ASAH2: variants seen among roughly 807,000 people sequenced by gnomAD.
ASAH2 encodes neutral ceramidase.
In ASAH2, 58 loss-of-function variants were observed where a neutral mutation model predicts 82.9. The ratio of observed to expected loss-of-function variants is 0.70; its 90% CI spans 0.57 to 0.87. The LOEUF (loss-of-function observed/expected upper bound fraction) is 0.87, where lower values mean the gene tolerates loss of function less well. ASAH2 is among the 40% of genes least tolerant of loss of function. ASAH2 has a pLI of 0.00. For synonymous variants in ASAH2, 276 were observed against 289.7 expected (o/e 0.95, Z 0.48); for missense variants, 779 against 834.0 (o/e 0.93, Z 0.81).
intron 2 of ASAH2, 100 bp downstream of exon 2, chr10:50,248,384 G>T: frequency 1.4e-6 from 2 of 1,424,408 alleles, no homozygotes; most frequent in South Asian, 1.3e-5. Context: ...AGTACACGTA[G>T]AACTATCAGC....
chr10:50,195,730 C>A (rs1318926996), intron 18 of ASAH2, among the ~76,000 whole-genome samples: 1 of 151,652 alleles, frequency 6.6e-6, no homozygotes, highest in East Asian at 1.9e-4. Flanking sequence ...GAATGAGATC[C>A]TTACATTTGA....
intron 7 of ASAH2, among the ~76,000 whole-genome samples, chr10:50,219,690 G>A (rs941338312): frequency 6.6e-5 from 10 of 152,220 alleles, no homozygotes; most frequent in African/African-American, 2.4e-4. Context: ...CTATTTAATG[G>A]CTAGAAAGGG....
chr10:50,230,287 G>C (rs1239371597), intron 7 of ASAH2, among the ~76,000 whole-genome samples: 10 of 152,170 alleles, frequency 6.6e-5, no homozygotes, highest in Non-Finnish European at 1.2e-4. Flanking sequence ...AGTCTTGGCT[G>C]TGATGCTGGG....
chr10:50,208,362 T>C (rs1845360433), intron 12 of ASAH2, among the ~76,000 whole-genome samples: 1 of 151,998 alleles, frequency 6.6e-6, no homozygotes, highest in Non-Finnish European at 1.5e-5. Flanking sequence ...AAATTAAAAC[T>C]ATTAATATTT....
chr10:50,229,122 T>G (rs1281122036), intron 7 of ASAH2, among the ~76,000 whole-genome samples: 1 of 152,166 alleles, frequency 6.6e-6, no homozygotes, highest in Non-Finnish European at 1.5e-5. Flanking sequence ...CCTGTTTTGC[T>G]TTCTCCCTTC....
chr10:50,203,040 A>T, intron 15 of ASAH2, 116 bp from the exon 16 acceptor site: 1 of 793,818 alleles, frequency 1.3e-6, no homozygotes, highest in South Asian at 1.6e-5. Flanking sequence ...TATTTTTCTT[A>T]ATAAAATTTT....
Position 50,214,735 on chromosome 10 carries a change from T to A in ASAH2, c.1140+8A>T. 1 of 1,613,608 alleles carries A rather than the reference T, an allele frequency of 6.2e-7. No homozygotes were observed. The highest frequency in any genetic ancestry group is 8.5e-7 in the Non-Finnish European group (1 of 1,179,578). Reference sequence around the variant, plus strand: ...AAAACAAAGATTTCATGTGTCATAATTACCTACCCCACCAATGGGACAAGT... The same window carrying A: ...AAAACAAAGATTTCATGTGTCATAAATACCTACCCCACCAATGGGACAAGT... On this transcript the variant is annotated splice_region_variant and intron_variant, in intron 9 of 20. Transcript: ENST00000682911.
chr10:50,224,035 G>A (rs1489816782), intron 7 of ASAH2, among the ~76,000 whole-genome samples: 1 of 152,160 alleles, frequency 6.6e-6, no homozygotes, highest in Non-Finnish European at 1.5e-5. Context: ...AAGCCACCTA[G>A]TCTTTGATAA....
chr10:50,225,983 C>T (rs1275645714), intron 7 of ASAH2, among the ~76,000 whole-genome samples: 1 of 152,038 alleles, frequency 6.6e-6, no homozygotes, highest in Non-Finnish European at 1.5e-5. Flanking sequence ...ATCCCAGCTA[C>T]TCAGGAGGCT....
chr10:50,236,912 A>AT (rs1251127100), intron 4 of ASAH2, among the ~76,000 whole-genome samples: 2 of 152,030 alleles, frequency 1.3e-5, no homozygotes, highest in Non-Finnish European at 2.9e-5. Flanking sequence ...TCTTGAAGAT[A>AT]TTTTTTTTCT....
intron 7 of ASAH2, among the ~76,000 whole-genome samples, chr10:50,222,546 C>G (rs2133216103): frequency 6.6e-6 from 1 of 152,294 alleles, no homozygotes; most frequent in South Asian, 2.1e-4. Flanking sequence ...TCCTAAAGTA[C>G]TGCTTTTACA....
At chr10:50,212,221 G>A (rs1845475237) in intron 10 of ASAH2, among the ~76,000 whole-genome samples, 1 of 142,408 alleles carries the variant, frequency 7.0e-6, no homozygotes, top group Non-Finnish European at 1.5e-5. Flanking sequence ...ACGCAGCAAA[G>A]GTATGAATAA....
chr10:50,235,864 C>T, intron 5 of ASAH2, 24 bp downstream of exon 5: 1 of 1,611,822 alleles, frequency 6.2e-7, no homozygotes, highest in Non-Finnish European at 8.5e-7. Context: ...TAAAGAACAG[C>T]TGCCTCTGGG....
At chr10:50,216,919 G>A (rs974552110) in intron 8 of ASAH2, among the ~76,000 whole-genome samples, 3 of 152,226 alleles carry the variant, frequency 2.0e-5, no homozygotes, top group Non-Finnish European at 4.4e-5. Context: ...AATAGTAAGA[G>A]TGAGTTTTGC....
intron 12 of ASAH2, among the ~76,000 whole-genome samples, chr10:50,210,165 CA>C (rs1338238361): frequency 6.6e-6 from 1 of 152,052 alleles, no homozygotes; most frequent in East Asian, 1.9e-4. Context: ...AAGGTTTAAA[CA>C]AATCTGATAT....
chr10:50,222,292 C>G (rs1308517382), intron 7 of ASAH2, among the ~76,000 whole-genome samples: 2 of 152,130 alleles, frequency 1.3e-5, no homozygotes, highest in Admixed American at 1.3e-4. Flanking sequence ...ATTTCTTCTT[C>G]TTTTGAAAAA....
intron 9 of ASAH2, among the ~76,000 whole-genome samples, chr10:50,213,425 C>A (rs1452859443): frequency 1.3e-5 from 2 of 152,062 alleles, no homozygotes; most frequent in Non-Finnish European, 2.9e-5. Context: ...TACTCATGAT[C>A]ACCTTAAACT....
At chr10:50,243,069 C>A in intron 4 of ASAH2, 133 bp downstream of exon 4, 1 of 1,046,980 alleles carries the variant, frequency 9.6e-7, no homozygotes, top group East Asian at 2.4e-5. Flanking sequence ...CTATATTGTC[C>A]AGAGCGTATA....
intron 18 of ASAH2, among the ~76,000 whole-genome samples, chr10:50,194,544 A>G (rs1844924361): frequency 6.6e-6 from 1 of 151,168 alleles, no homozygotes; most frequent in Non-Finnish European, 1.5e-5. Context: ...ATACTTTTCT[A>G]CTACGATTGG....
Sources: allele counts gnomAD v4.1 joint callset (sites outside exome capture counted in the v4.1 genomes callset), GRCh38; gene constraint gnomAD v4.1.1; transcripts MANE v1.5; gene names NCBI Gene and HGNC (gene_info 2026-07-23, HGNC 2026-07-21).